Variants in EP400 observed in about 807,000 individuals in gnomAD.
EP400 encodes the protein E1A binding protein p400.
EP400 carries 105 observed loss-of-function variants against 354.1 expected under a neutral mutation model. That is an observed-to-expected ratio of 0.30 (90% CI 0.25 to 0.35). EP400 has a LOEUF of 0.35. Among genes scored for constraint, EP400 ranks in the 10% least tolerant of loss-of-function variants. EP400 has a pLI of 1.00. For missense variants in EP400, 3,280 were observed against 4,121.0 expected (o/e 0.80, Z 5.59); for synonymous variants, 1,646 against 1,716.9 (o/e 0.96, Z 1.02).
chr12:131,977,666 C>T (rs1342550134), intron 2 of EP400, among the ~76,000 whole-genome samples: 1 of 152,078 alleles, frequency 6.6e-6, no homozygotes, highest in Non-Finnish European at 1.5e-5. Flanking sequence ...GTTTTCAAAA[C>T]ATTCTTTCCT....
chr12:132,062,374 T>C, intron 46 of EP400, 51 bp downstream of exon 46: 2 of 1,611,072 alleles, frequency 1.2e-6, no homozygotes, highest in Non-Finnish European at 1.7e-6. Context: ...CTGGCGCGTG[T>C]GAGGGCTCAG....
At chr12:131,991,676 G>A (rs1893039211) in intron 10 of EP400, among the ~76,000 whole-genome samples, 2 of 151,424 alleles carry the variant, frequency 1.3e-5, no homozygotes. Context: ...TGCCTCCCAG[G>A]TTCAAGCAAT....
At chr12:132,003,337 C>G (rs1358211732) in intron 12 of EP400, among the ~76,000 whole-genome samples, 1 of 151,870 alleles carries the variant, frequency 6.6e-6, no homozygotes. Context: ...TATAAGTAAC[C>G]TAGAGATTAT....
At position 131,991,300 on chromosome 12, in the gene EP400, C is replaced by G. The variant is rs1015090620; in HGVS notation, c.2630-107C>G. The G allele has an allele frequency of 2.3e-5, 25 of 1,086,518 alleles. No homozygotes were observed. In the African/African-American group the frequency reaches 3.6e-4, roughly 16 times the overall value. 67.3% of individuals were successfully genotyped at this position (1,086,518 alleles called of 1,614,324 possible). ...AGGAGGCAGAACTCACGCGTCCTTC[C>G]TTTCCCTGCACGTGGGTGGAGGCAG... On this transcript the variant is annotated intron_variant, in intron 9 of 52. Transcript: ENST00000389561.
chr12:131,997,606 A>G (rs1443481378), intron 12 of EP400, among the ~76,000 whole-genome samples: 1 of 152,170 alleles, frequency 6.6e-6, no homozygotes, highest in Admixed American at 6.5e-5. Flanking sequence ...TCTTACAACA[A>G]AGTAAGCTGG....
Position 131,987,770 on chromosome 12 carries a change from G to A in EP400, c.2289G>A (p.Leu763=). 1 of 1,612,392 alleles carries A rather than the reference G, an allele frequency of 6.2e-7. No homozygotes were observed. The highest frequency in any genetic ancestry group is 8.5e-7 in the Non-Finnish European group (1 of 1,179,806). ...CAGGTCTGTGGTCCCAGAGGCGTCT[G>A]CCAAAGCTGCAGGAGGCCCCACGCC... ...RKAGLWSQRR[L]PKLQEAPRPK... Residue 763 remains leucine (L), a synonymous_variant, in exon 7 of 53, where the codon CTG becomes CTA. Transcript: ENST00000389561.
chr12:132,062,244 G>A lies in EP400; in HGVS notation c.8019G>A (p.Val2673=). The A allele has an allele frequency of 6.2e-7, 1 of 1,614,182 alleles. No homozygotes were observed. Among genetic ancestry groups the A allele is most frequent in the Non-Finnish European group, 8.5e-7 (1 of 1,180,046 alleles). Residue 2673 remains valine (V), a synonymous_variant, in exon 46 of 53, where the codon GTG becomes GTA. Coordinates refer to ENST00000389561, the MANE Select transcript of EP400 (RefSeq NM_015409.5). ...AGGGTGTTCGAGCGGTCACTTCTGT[G>A]ACAGCCTCGGCCGTGGTCACTACCA... ...TTQGVRAVTS[V]TASAVVTTNL... is the part of the protein sequence containing the mutation.
intron 45 of EP400, among the ~76,000 whole-genome samples, chr12:132,055,439 G>GTGTA (rs1193231457): frequency 6.6e-6 from 1 of 151,478 alleles, no homozygotes; most frequent in African/African-American, 2.4e-5. Context: ...GTATGTGTGT[G>GTGTA]TGTGTGTGGT....
At chr12:131,991,139 C>T (rs992191623) in intron 9 of EP400, among the ~76,000 whole-genome samples, 5 of 152,174 alleles carry the variant, frequency 3.3e-5, no homozygotes, top group African/African-American at 1.2e-4. Context: ...TTTCCTTTGC[C>T]TCTGAGGACA....
rs1896344245 is a variant in EP400 at position 132,080,460 on chromosome 12, A to T, written c.*2787A>T. The T allele has an allele frequency of 6.6e-6, 1 of 152,572 alleles. No individual in the cohort carries two copies. Among genetic ancestry groups the T allele is most frequent in the Non-Finnish European group, 1.5e-5 (1 of 68,018 alleles). The allele number at this position is 152,572 out of a possible 1,614,324, so 9.5% of individuals were successfully genotyped here. A position where few individuals can be genotyped will look rare whatever the true frequency, so the allele number is the denominator to read the frequency against. ...GCAAAATAAAGTGACCTTTTTATAT[A>T]TTTTTTCATTTTGTCTTTCATAGAA... On this transcript the variant is annotated 3_prime_UTR_variant, in exon 53 of 53. Transcript: ENST00000389561.
intron 1 of EP400, among the ~76,000 whole-genome samples, chr12:131,950,782 C>T (rs955792609): frequency 6.6e-6 from 1 of 152,246 alleles, no homozygotes; most frequent in African/African-American, 2.4e-5. Flanking sequence ...GAGACGGGGT[C>T]TCGCTCTGTT....
intron 45 of EP400, among the ~76,000 whole-genome samples, chr12:132,056,134 T>G (rs1358005306): frequency 1.3e-5 from 2 of 152,004 alleles, no homozygotes; most frequent in East Asian, 1.9e-4. Context: ...TCTTGGGTGT[T>G]TCATCATCAG....
chr12:132,048,519 A>ATTTT (rs35268260), intron 39 of EP400, among the ~76,000 whole-genome samples: 1 of 133,602 alleles, frequency 7.5e-6, no homozygotes, highest in African/African-American at 2.8e-5. Flanking sequence ...TTTGAGAGTG[A>ATTTT]TTTTTTTTTT....
At chr12:132,001,498 A>G (rs1893413206) in intron 12 of EP400, among the ~76,000 whole-genome samples, 1 of 152,234 alleles carries the variant, frequency 6.6e-6, no homozygotes, top group Admixed American at 6.5e-5. Flanking sequence ...GAAGCACAGC[A>G]TCACAGGGAG....
intron 24 of EP400, among the ~76,000 whole-genome samples, chr12:132,024,861 C>T (rs1894249285): frequency 6.6e-6 from 1 of 151,316 alleles, no homozygotes; most frequent in South Asian, 2.1e-4. Flanking sequence ...CACCTTCCTT[C>T]ACCTTCCGTG....
At chr12:131,996,632 T>C (rs190918150) in intron 12 of EP400, among the ~76,000 whole-genome samples, 157 of 152,248 alleles carry the variant, frequency 1.0e-3, no homozygotes, top group African/African-American at 3.6e-3. Context: ...TATATATATC[T>C]TTAGTTTTAT....
intron 16 of EP400, among the ~76,000 whole-genome samples, chr12:132,012,110 G>A (rs1893787692): frequency 1.3e-5 from 2 of 152,184 alleles, no homozygotes; most frequent in Non-Finnish European, 1.5e-5. Flanking sequence ...CTAGTACTAG[G>A]TCACTGAAGG....
rs1313033057 is a variant in EP400, at chr12:132,025,424, T to C, written c.4856-222T>C. On this transcript the variant is annotated intron_variant, in intron 24 of 52. Coordinates refer to ENST00000389561, the MANE Select transcript of EP400 (RefSeq NM_015409.5). The surrounding 1 kb of genome is among the most constrained non-coding windows in gnomAD (Gnocchi z 4.1). ...GAGGGACAGAGGGTAGATGGCCTTT[T>C]CTTGACATGGAGCAAGATACCTTGT... 6.6e-6 allele frequency among the ~76,000 whole-genome samples: 1 copy of C among 152,222 alleles called. No individual in the cohort carries two copies. The highest frequency in any genetic ancestry group is 1.5e-5 in the Non-Finnish European group (1 of 68,038).
intron 32 of EP400, among the ~76,000 whole-genome samples, chr12:132,041,314 C>G (rs937520774): frequency 6.6e-6 from 1 of 152,236 alleles, no homozygotes. Flanking sequence ...TACAAAGATT[C>G]CAGCTGGAGA....
Sources: gnomAD v4.1 joint callset for allele counts (sites outside exome capture counted in the v4.1 genomes callset) on GRCh38, gnomAD v4.1.1 for gene constraint, Gnocchi (gnomAD v3.1) non-coding constraint, MANE v1.5 for transcripts, NCBI Gene and HGNC (gene_info 2026-07-23, HGNC 2026-07-21) for gene names.